Variants in PARD3B observed in about 807,000 individuals in gnomAD.
PARD3B encodes par-3 family cell polarity regulator beta.
A neutral mutation model predicts 130.2 loss-of-function variants in PARD3B; 103 were observed. The ratio of observed to expected loss-of-function variants is 0.79; its 90% CI spans 0.67 to 0.93. The LOEUF (loss-of-function observed/expected upper bound fraction) is 0.93, where lower values mean the gene tolerates loss of function less well. PARD3B is among the 40% of genes least tolerant of loss of function. The probability of loss-of-function intolerance (pLI) is 0.00; values close to 1 mark genes in which losing one functional copy is unlikely to be tolerated. For synonymous variants in PARD3B, 583 were observed against 553.2 expected (o/e 1.05, Z -0.76); for missense variants, 1,609 against 1,499.2 (o/e 1.07, Z -1.21).
intron 19 of PARD3B, among the ~76,000 whole-genome samples, chr2:205,411,392 T>C (rs1574953466): frequency 2.0e-5 from 3 of 152,282 alleles, no homozygotes; most frequent in Non-Finnish European, 4.4e-5. Context: ...GAGAGATGCA[T>C]GGCCAAATGG....
intron 22 of PARD3B, among the ~76,000 whole-genome samples, chr2:205,571,960 C>T (rs1048648623): frequency 3.9e-5 from 6 of 152,158 alleles, no homozygotes; most frequent in Non-Finnish European, 7.3e-5. Flanking sequence ...ATGAAAGAAA[C>T]TAAACACATG....
intron 1 of PARD3B, among the ~76,000 whole-genome samples, chr2:204,638,966 A>AT (rs202178040): frequency 0.024 from 3,685 of 151,874 alleles, 161 homozygotes; most frequent in African/African-American, 0.082. Context: ...TCCTTGGGCA[A>AT]TTTTTTTTAA....
intron 16 of PARD3B, among the ~76,000 whole-genome samples, chr2:205,266,584 G>C (rs2040513144): frequency 6.6e-6 from 1 of 152,114 alleles, no homozygotes; most frequent in Non-Finnish European, 1.5e-5. Flanking sequence ...TACTCAGTCA[G>C]TGGTTGCAAT....
intron 21 of PARD3B, among the ~76,000 whole-genome samples, chr2:205,513,293 C>T (rs2050663535): frequency 6.6e-6 from 1 of 151,932 alleles, no homozygotes; most frequent in Non-Finnish European, 1.5e-5. Context: ...AACTATGTTG[C>T]CTTTTCCCAA....
chr2:204,689,196 G>A lies in PARD3B; in HGVS notation c.222+2914G>A, dbSNP rs1448975020. Among the ~76,000 whole-genome samples, 1 of 152,158 alleles carries A rather than the reference G, an allele frequency of 6.6e-6. No individual in the cohort carries two copies. The highest frequency in any genetic ancestry group is 2.4e-5 in the African/African-American group (1 of 41,448). On this transcript the variant is annotated intron_variant, in intron 2 of 22. Transcript: ENST00000406610. The surrounding 1 kb of genome is among the most constrained non-coding windows in gnomAD (Gnocchi z 5.2). ...TTAAGAAATGACTTTTAAAACTTGT[G>A]CCTAAAGTGGTTTGTCTGTGGTCTT...
At chr2:204,627,402 T>C (rs911565140) in intron 1 of PARD3B, among the ~76,000 whole-genome samples, 4 of 152,200 alleles carry the variant, frequency 2.6e-5, no homozygotes, top group African/African-American at 9.6e-5. Context: ...CAATAGAATG[T>C]ACATATCTTA....
rs1490879747 is a variant in PARD3B at position 205,091,997 on chromosome 2, C to T, written c.505-12429C>T. Among the ~76,000 whole-genome samples, 16 of 152,070 alleles carry T rather than the reference C, an allele frequency of 1.1e-4. No individual in the cohort carries two copies. The highest frequency in any genetic ancestry group is 9.2e-4 in the Admixed American group (14 of 15,258). On this transcript the variant is annotated intron_variant, in intron 4 of 22. Transcript: ENST00000406610. The surrounding 1 kb of genome is among the most constrained non-coding windows in gnomAD (Gnocchi z 4.2). ...TGATATAGTTTTGTTGAATAATGAG[C>T]GTTACCCAAAAACCTTTCCCTTGAA... is the stretch of plus-strand genomic sequence containing the variant.
chr2:205,153,313 G>A (rs904627092), intron 10 of PARD3B, among the ~76,000 whole-genome samples: 1 of 152,174 alleles, frequency 6.6e-6, no homozygotes, highest in African/African-American at 2.4e-5. Context: ...TCTCTTCATA[G>A]CTCAATTGGA....
intron 20 of PARD3B, among the ~76,000 whole-genome samples, chr2:205,441,858 T>C (rs1250706057): frequency 6.6e-6 from 1 of 152,206 alleles, no homozygotes; most frequent in African/African-American, 2.4e-5. Context: ...GTTGATAATA[T>C]TAAAGAAAGA....
chr2:205,123,675 AAGTG>A (rs1422008057), intron 8 of PARD3B, among the ~76,000 whole-genome samples: 4 of 384 alleles, frequency 0.01, no homozygotes, highest in African/African-American at 0.028. Flanking sequence ...AAAAAAAAAT[AAGTG>A]GTGGGAATCA....
intron 3 of PARD3B, among the ~76,000 whole-genome samples, chr2:205,033,143 A>C (rs1390986761): frequency 3.9e-5 from 6 of 152,176 alleles, no homozygotes; most frequent in Admixed American, 3.9e-4. Context: ...CAGACCAACA[A>C]CAATGCCCTA....
intron 2 of PARD3B, among the ~76,000 whole-genome samples, chr2:204,758,156 G>T (rs994623340): frequency 6.6e-6 from 1 of 152,120 alleles, no homozygotes; most frequent in Non-Finnish European, 1.5e-5. Context: ...GCCTCTCCAA[G>T]TGGTATCTCT....
chr2:204,560,151 A>G (rs1574461536), intron 1 of PARD3B, among the ~76,000 whole-genome samples: 1 of 152,316 alleles, frequency 6.6e-6, no homozygotes, highest in East Asian at 1.9e-4. Flanking sequence ...ATGAGCCTGC[A>G]TGTTGTGCAC....
intron 1 of PARD3B, among the ~76,000 whole-genome samples, chr2:204,589,860 A>T (rs1267047628): frequency 6.6e-6 from 1 of 152,200 alleles, no homozygotes; most frequent in Non-Finnish European, 1.5e-5. Flanking sequence ...TTTTTGGCAC[A>T]GTCCCTTGTT....
intron 15 of PARD3B, among the ~76,000 whole-genome samples, chr2:205,203,183 C>A (rs917139195): frequency 6.6e-6 from 1 of 152,126 alleles, no homozygotes; most frequent in Non-Finnish European, 1.5e-5. Flanking sequence ...AACAAACCCA[C>A]GCAGATTTTT....
chr2:204,734,813 G>A (rs980704708), intron 2 of PARD3B, among the ~76,000 whole-genome samples: 2 of 152,032 alleles, frequency 1.3e-5, no homozygotes, highest in South Asian at 2.1e-4. Flanking sequence ...TATCTTCATC[G>A]TGGTGATGGT....
intron 20 of PARD3B, among the ~76,000 whole-genome samples, chr2:205,454,474 C>G (rs990687676): frequency 2.0e-5 from 3 of 152,004 alleles, no homozygotes; most frequent in African/African-American, 7.2e-5. Flanking sequence ...GTGAAATATC[C>G]TCTCTTCTGG....
chr2:205,102,100 G>A lies in PARD3B; in HGVS notation c.505-2326G>A, dbSNP rs116192932. On this transcript the variant is annotated intron_variant, in intron 4 of 22. Coordinates refer to ENST00000406610, the MANE Select transcript of PARD3B (RefSeq NM_001302769.2). Reference sequence around the variant, plus strand: ...AGATGACTGTAGCTGCAGCCCCGCAGACATGGGGCTGCAAACTTACAAGCG... The same window carrying A: ...AGATGACTGTAGCTGCAGCCCCGCAAACATGGGGCTGCAAACTTACAAGCG... Among the ~76,000 whole-genome samples the A allele has an allele frequency of 9.3e-3, 1,412 of 152,294 alleles. 13 individuals are homozygous for A. The highest frequency in any genetic ancestry group is 0.017 in the Non-Finnish European group (1,144 of 68,016).
At chr2:204,881,423 A>G (rs190547964) in intron 2 of PARD3B, among the ~76,000 whole-genome samples, 57 of 152,300 alleles carry the variant, frequency 3.7e-4, no homozygotes, top group African/African-American at 1.3e-3. Flanking sequence ...TTTATACATT[A>G]TATGTTGACA....
Sources: gnomAD v4.1 joint callset for allele counts (sites outside exome capture counted in the v4.1 genomes callset) on GRCh38, gnomAD v4.1.1 for gene constraint, Gnocchi (gnomAD v3.1) non-coding constraint, MANE v1.5 for transcripts, NCBI Gene and HGNC (gene_info 2026-07-23, HGNC 2026-07-21) for gene names.